The following GPM6A variants were observed in gnomAD, a reference collection of about 807,000 sequenced individuals.
The protein encoded by GPM6A is neuronal membrane glycoprotein M6-a.
Under a neutral mutation model 32.1 loss-of-function variants are expected in GPM6A, and 7 were observed. The observed-to-expected ratio is 0.22, with a 90% confidence interval of 0.12 to 0.41. The LOEUF is 0.41. Ranked by LOEUF, GPM6A falls within the 10% of genes least tolerant of loss-of-function variation. GPM6A has a pLI of 1.00. For missense variants in GPM6A, 235 were observed against 347.2 expected, an observed-to-expected ratio of 0.68 and a Z score of 2.57; for synonymous variants, 130 against 123.4, an observed-to-expected ratio of 1.05 and a Z score of -0.35.
chr4:175,962,459 T>A, intron 1 of GPM6A: 2 of 629,992 alleles, frequency 3.2e-6, no homozygotes, highest in Non-Finnish European at 6.0e-6. Context: ...TAAGGCAACC[T>A]TTTTTGCTTC....
intron 4 of GPM6A, among the ~76,000 whole-genome samples, chr4:175,646,674 G>T (rs556241123): frequency 5.2e-4 from 79 of 152,220 alleles, no homozygotes; most frequent in African/African-American, 1.8e-3. Context: ...GTGGGTTTTT[G>T]AACAAACATA....
chr4:175,872,265 C>A (rs747276957), intron 1 of GPM6A, among the ~76,000 whole-genome samples: 1 of 152,170 alleles, frequency 6.6e-6, no homozygotes, highest in African/African-American at 2.4e-5. Context: ...AACTCTGCAC[C>A]GTGGTGTCAC....
chr4:175,657,807 C>T (rs1378137166), intron 3 of GPM6A, among the ~76,000 whole-genome samples: 5 of 152,072 alleles, frequency 3.3e-5, no homozygotes, highest in African/African-American at 7.2e-5. Flanking sequence ...CAAAATGTCT[C>T]AATTTTCCTG....
chr4:175,879,674 A>G (rs1737205780), intron 1 of GPM6A, among the ~76,000 whole-genome samples: 1 of 152,144 alleles, frequency 6.6e-6, no homozygotes, highest in Admixed American at 6.5e-5. Context: ...AGGACACAGA[A>G]CCAAACCATA....
At chr4:175,761,701 AT>A (rs1732750879) in intron 1 of GPM6A, among the ~76,000 whole-genome samples, 1 of 152,194 alleles carries the variant, frequency 6.6e-6, no homozygotes, top group South Asian at 2.1e-4. Flanking sequence ...TGACAAAAAA[AT>A]AAAAATAAAA....
chr4:175,648,142 G>A (rs1193995832), intron 4 of GPM6A, among the ~76,000 whole-genome samples: 1 of 151,900 alleles, frequency 6.6e-6, no homozygotes, highest in Non-Finnish European at 1.5e-5. Context: ...ACAATCAGAG[G>A]TATGAACTAA....
intron 1 of GPM6A, among the ~76,000 whole-genome samples, chr4:175,882,382 A>G (rs1056446489): frequency 1.3e-5 from 2 of 152,018 alleles, no homozygotes; most frequent in African/African-American, 2.4e-5. Context: ...AACTGTCAGT[A>G]AGGAATAAGT....
intron 1 of GPM6A, among the ~76,000 whole-genome samples, chr4:175,855,420 G>A (rs1736386893): frequency 6.6e-6 from 1 of 152,132 alleles, no homozygotes. Flanking sequence ...AAAGAATGCA[G>A]ACTGTTACAA....
intron 1 of GPM6A, among the ~76,000 whole-genome samples, chr4:175,898,743 C>G (rs1246170892): frequency 6.6e-6 from 1 of 152,130 alleles, no homozygotes; most frequent in Admixed American, 6.5e-5. Context: ...AAACTGACTT[C>G]TATTCTCTCC....
chr4:175,918,775 T>C (rs1738576688), intron 1 of GPM6A, among the ~76,000 whole-genome samples: 2 of 152,160 alleles, frequency 1.3e-5, no homozygotes, highest in Admixed American at 1.3e-4. Flanking sequence ...TTAAATTTCT[T>C]TTAACAATTT....
intron 1 of GPM6A, among the ~76,000 whole-genome samples, chr4:175,773,199 A>G (rs746966706): frequency 7.9e-5 from 12 of 152,158 alleles, no homozygotes; most frequent in Admixed American, 3.9e-4. Flanking sequence ...CAGAAGAACA[A>G]TTTTCTATAT....
chr4:175,991,620 T>C (rs1741148656), intron 1 of GPM6A, among the ~76,000 whole-genome samples: 2 of 152,188 alleles, frequency 1.3e-5, no homozygotes, highest in African/African-American at 2.4e-5. Flanking sequence ...CTAAATATAA[T>C]GTGTCTTCAA....
intron 1 of GPM6A, among the ~76,000 whole-genome samples, chr4:175,881,055 C>T (rs1737257999): frequency 6.6e-6 from 1 of 152,006 alleles, no homozygotes; most frequent in African/African-American, 2.4e-5. Context: ...AGTGAACAGG[C>T]AACCTACAGA....
intron 1 of GPM6A, chr4:175,787,284 T>A (rs1460915347): frequency 1.9e-6 from 2 of 1,047,610 alleles, no homozygotes; most frequent in Non-Finnish European, 2.9e-6. Flanking sequence ...AGAAATGATT[T>A]CCTCAATAGT....
chr4:175,722,234 G>GAGCTGTGATCTC (rs893206584), intron 1 of GPM6A, among the ~76,000 whole-genome samples: 1 of 151,998 alleles, frequency 6.6e-6, no homozygotes, highest in African/African-American at 2.4e-5. Flanking sequence ...AAGACTGCAT[G>GAGCTGTGATCTC]AGCTGTGATC....
At chr4:175,864,541 C>G (rs1257898627) in intron 1 of GPM6A, among the ~76,000 whole-genome samples, 1 of 152,138 alleles carries the variant, frequency 6.6e-6, no homozygotes, top group East Asian at 1.9e-4. Context: ...TTCTACTATC[C>G]TGGATACAAC....
At chr4:175,936,350 T>G in intron 1 of GPM6A, among the ~76,000 whole-genome samples, 1 of 144,614 alleles carries the variant, frequency 6.9e-6, no homozygotes, top group African/African-American at 2.5e-5. Flanking sequence ...TACATTCCTG[T>G]TATATAATAA....
upstream of GPM6A, chr4:175,812,287 T>G: frequency 1.6e-6 from 2 of 1,241,930 alleles, no homozygotes; most frequent in Non-Finnish European, 2.1e-6. Context: ...AATTAGATGT[T>G]GGAAAAACTG....
At chr4:175,666,875 A>G (rs1393584856) in intron 3 of GPM6A, among the ~76,000 whole-genome samples, 2 of 152,218 alleles carry the variant, frequency 1.3e-5, no homozygotes, top group Non-Finnish European at 2.9e-5. Flanking sequence ...CTTGAGATTA[A>G]TTCCTGGCTT....
Sources: allele counts gnomAD v4.1 joint callset (sites outside exome capture counted in the v4.1 genomes callset), GRCh38; gene constraint gnomAD v4.1.1; transcripts MANE v1.5; gene names NCBI Gene and HGNC (gene_info 2026-07-23, HGNC 2026-07-21).